Variants in PDE1C observed in about 807,000 individuals in gnomAD.
PDE1C encodes phosphodiesterase 1C.
PDE1C carries 62 observed loss-of-function variants against 93.1 expected under a neutral mutation model. The observed-to-expected ratio is 0.67, with a 90% CI of 0.54 to 0.82. The LOEUF (loss-of-function observed/expected upper bound fraction) is 0.82. Ranked by LOEUF, PDE1C falls within the 40% of genes least tolerant of loss-of-function variation. PDE1C has a pLI of 0.00. For missense variants in PDE1C, 742 were observed against 884.6 expected, an observed-to-expected ratio of 0.84 and a Z score of 2.04; for synonymous variants, 325 against 310.1, an observed-to-expected ratio of 1.05 and a Z score of -0.50.
intron 1 of PDE1C, among the ~76,000 whole-genome samples, chr7:32,054,786 A>G (rs1271349500): frequency 1.3e-5 from 2 of 152,196 alleles, no homozygotes; most frequent in African/African-American, 2.4e-5. Context: ...CCCAAATGGT[A>G]TCATCTTACA....
intron 16 of PDE1C, among the ~76,000 whole-genome samples, chr7:31,797,583 C>G (rs1466001994): frequency 6.6e-6 from 1 of 151,678 alleles, no homozygotes; most frequent in African/African-American, 2.4e-5. Flanking sequence ...ATTGCTATGG[C>G]AACACTATCT....
At chr7:31,920,283 T>C (rs1802434621) in intron 2 of PDE1C, among the ~76,000 whole-genome samples, 2 of 152,174 alleles carry the variant, frequency 1.3e-5, no homozygotes, top group African/African-American at 4.8e-5. Flanking sequence ...ATCTCCAGGA[T>C]GCTCCCCAAA....
At chr7:31,724,745 C>A in the PDE1C span, among the ~76,000 whole-genome samples, 1 of 152,148 alleles carries the variant, frequency 6.6e-6, no homozygotes, top group Non-Finnish European at 1.5e-5. Context: ...AAACTTTTTT[C>A]TTTTCCCAAC....
chr7:31,664,542 G>A, the PDE1C span, among the ~76,000 whole-genome samples: 119 of 152,290 alleles, frequency 7.8e-4, no homozygotes, highest in Non-Finnish European at 1.6e-3. Flanking sequence ...CACATGTCTG[G>A]CTCTCCCAAC....
chr7:31,881,452 G>A (rs555722338), intron 2 of PDE1C, among the ~76,000 whole-genome samples: 86 of 152,216 alleles, frequency 5.6e-4, no homozygotes, highest in Middle Eastern at 3.4e-3. Context: ...ATTTTAAACC[G>A]AGGAATTCCA....
chr7:32,291,702 G>A (rs907441586), intron 1 of PDE1C, among the ~76,000 whole-genome samples: 1 of 152,154 alleles, frequency 6.6e-6, no homozygotes, highest in Non-Finnish European at 1.5e-5. Context: ...CTCCTCTTTG[G>A]TCTGAACTCT....
chr7:31,647,595 A>G, the PDE1C span, among the ~76,000 whole-genome samples: 1 of 150,636 alleles, frequency 6.6e-6, no homozygotes, highest in African/African-American at 2.4e-5. Flanking sequence ...AATCACTTGA[A>G]CCTGGGAGGC....
At chr7:32,337,369 A>C (rs1165159876) in intron 1 of PDE1C, among the ~76,000 whole-genome samples, 1 of 152,222 alleles carries the variant, frequency 6.6e-6, no homozygotes, top group Non-Finnish European at 1.5e-5. Flanking sequence ...TAGTATTGTG[A>C]GTACTTTGTT....
Position 31,760,159 on chromosome 7 carries a change from T to C in PDE1C, c.1961-6606A>G, listed in dbSNP as rs80216874. On this transcript the variant is annotated intron_variant, in intron 17 of 17. Coordinates refer to ENST00000396191, the MANE Select transcript of PDE1C (RefSeq NM_001191057.4). ...AAACTAGTATCTTCACACCAGGACTTACCAGCACCTTAAATAATGCTAACA... is the reference window on the plus strand; with the variant it reads ...AAACTAGTATCTTCACACCAGGACTCACCAGCACCTTAAATAATGCTAACA... Among the ~76,000 whole-genome samples, 527 of 152,270 alleles carry C rather than the reference T, an allele frequency of 3.5e-3. 2 individuals carry two copies. Among genetic ancestry groups the C allele is most frequent in the African/African-American group, 0.012 (491 of 41,556 alleles).
intron 2 of PDE1C, among the ~76,000 whole-genome samples, chr7:31,996,383 T>A (rs1222908667): frequency 1.3e-5 from 2 of 152,114 alleles, no homozygotes; most frequent in African/African-American, 4.8e-5. Flanking sequence ...AGCTCTGATA[T>A]AAAGTCTTTA....
At chr7:31,748,857 G>T (rs529506531), downstream of PDE1C, among the ~76,000 whole-genome samples, 25 of 152,198 alleles carry the variant, frequency 1.6e-4, no homozygotes, top group Non-Finnish European at 2.9e-4. Context: ...TCAGCATGTT[G>T]TTCCAACAGA....
At chr7:31,620,360 C>G in the PDE1C span, among the ~76,000 whole-genome samples, 2 of 152,018 alleles carry the variant, frequency 1.3e-5, no homozygotes, top group African/African-American at 4.8e-5. Context: ...AGGCACCCCC[C>G]AGTAGGGGCA....
intron 1 of PDE1C, among the ~76,000 whole-genome samples, chr7:32,314,381 C>T (rs1447137555): frequency 6.6e-6 from 1 of 152,094 alleles, no homozygotes; most frequent in Admixed American, 6.5e-5. Context: ...AGCAGGCCAG[C>T]AAACTTTGTC....
At chr7:32,368,372 A>C (rs1269995882) in intron 1 of PDE1C, among the ~76,000 whole-genome samples, 1 of 152,244 alleles carries the variant, frequency 6.6e-6, no homozygotes, top group Non-Finnish European at 1.5e-5. Flanking sequence ...AAACTAGCTG[A>C]AAAAGAAATC....
At chr7:31,891,440 T>C (rs1798622678) in intron 2 of PDE1C, among the ~76,000 whole-genome samples, 1 of 152,192 alleles carries the variant, frequency 6.6e-6, no homozygotes, top group South Asian at 2.1e-4. Flanking sequence ...AAATGGAATG[T>C]TGTATATTAA....
chr7:32,146,095 C>T (rs1800817086), intron 3 of PDE1C, among the ~76,000 whole-genome samples: 1 of 152,110 alleles, frequency 6.6e-6, no homozygotes, highest in Non-Finnish European at 1.5e-5. Flanking sequence ...CAGATGGCTG[C>T]CGTGTGGCTC....
intron 1 of PDE1C, among the ~76,000 whole-genome samples, chr7:32,067,077 C>A (rs750483337): frequency 6.6e-6 from 1 of 152,190 alleles, no homozygotes; most frequent in African/African-American, 2.4e-5. Context: ...GGGGCATGGG[C>A]GCCATCATCA....
chr7:32,405,502 C>T (rs772272530), intron 1 of PDE1C, among the ~76,000 whole-genome samples: 23 of 152,310 alleles, frequency 1.5e-4, no homozygotes, highest in Non-Finnish European at 2.1e-4. Flanking sequence ...CTGCCCACCT[C>T]GGCCTCAGTG....
intron 2 of PDE1C, among the ~76,000 whole-genome samples, chr7:32,199,597 G>A (rs1177690696): frequency 2.6e-5 from 4 of 151,714 alleles, no homozygotes; most frequent in Non-Finnish European, 5.9e-5. Context: ...GTTTTGTTGG[G>A]GTTTTATGCT....
Sources: allele counts gnomAD v4.1 joint callset (sites outside exome capture counted in the v4.1 genomes callset), GRCh38; gene constraint gnomAD v4.1.1; transcripts MANE v1.5; gene names NCBI Gene and HGNC (gene_info 2026-07-23, HGNC 2026-07-21).